UGT1A7: variants seen among roughly 807,000 people sequenced by gnomAD.
UGT1A7 encodes UDP glucuronosyltransferase family 1 member A7.
UGT1A7 carries 33 observed loss-of-function variants against 45.6 expected under a neutral mutation model. The observed-to-expected ratio is 0.72, with a 90% CI of 0.55 to 0.97. UGT1A7 has a LOEUF of 0.97. UGT1A7 is among the 50% of genes least tolerant of loss of function. The pLI, the probability that UGT1A7 is intolerant of heterozygous loss-of-function variation, is 0.00. For synonymous variants in UGT1A7, 274 were observed against 250.6 expected (o/e 1.09, Z -0.88); for missense variants, 684 against 666.2 (o/e 1.03, Z -0.29).
Position 233,682,066 on chromosome 2 carries a change from G to A in UGT1A7, c.129G>A (p.Ser43=), listed in dbSNP as rs778934724. 3.1e-6 allele frequency: 5 copies of A among 1,613,972 alleles called. No individual in the cohort carries two copies. The highest frequency in any genetic ancestry group is 1.3e-5 in the African/African-American group (1 of 74,904). ...GGAGCCACTGGTTCACCATGCAGTC[G>A]GTGGTGGAGAAACTCATCCTCAGGG... The part of the protein sequence containing the change: ...MDGSHWFTMQ[S]VVEKLILRGH... Residue 43 remains serine, a synonymous_variant, in exon 1 of 5, where the codon TCG becomes TCA. Coordinates refer to ENST00000373426, the MANE Select transcript of UGT1A7 (RefSeq NM_019077.3).
chr2:233,719,283 A>C (rs760908491), intron 1 of UGT1A7: 35 of 1,613,936 alleles, frequency 2.2e-5, no homozygotes, highest in Admixed American at 5.0e-5. Flanking sequence ...AGACCCCGTT[A>C]ACCTCTGTGG....
intron 1 of UGT1A7, chr2:233,693,301 T>C: frequency 6.2e-7 from 1 of 1,614,174 alleles, no homozygotes; most frequent in African/African-American, 1.3e-5. Flanking sequence ...ACAATCACTT[T>C]GCTGAGCGAT....
intron 1 of UGT1A7, among the ~76,000 whole-genome samples, chr2:233,700,573 T>C (rs978152887): frequency 1.5e-4 from 23 of 152,216 alleles, no homozygotes; most frequent in Non-Finnish European, 1.3e-4. Flanking sequence ...AACTTTATTA[T>C]GATGCAATTT....
chr2:233,739,438 T>G (rs1285921869), intron 1 of UGT1A7, among the ~76,000 whole-genome samples: 1 of 152,226 alleles, frequency 6.6e-6, no homozygotes, highest in Non-Finnish European at 1.5e-5. Context: ...GGCTTTACCC[T>G]GCAAAGCCAC....
intron 1 of UGT1A7, chr2:233,729,826 C>T (rs1653998510): frequency 6.2e-7 from 1 of 1,613,940 alleles, no homozygotes; most frequent in Non-Finnish European, 8.5e-7. Flanking sequence ...TTATGCAAGC[C>T]TTGCCTCTGA....
In UGT1A7 at chr2:233,769,743, C is replaced by T. The variant is rs1376344823; in HGVS notation, c.1295+1304C>T. Reference sequence around the variant, plus strand: ...CATGGCACACGCCTGTAGTCCCAGCCACTCTGGAGGCTAAGGCGGGAGGAT... The same window carrying T: ...CATGGCACACGCCTGTAGTCCCAGCTACTCTGGAGGCTAAGGCGGGAGGAT... On this transcript the variant is annotated intron_variant, in intron 4 of 4. Coordinates refer to ENST00000373426, the MANE Select transcript of UGT1A7 (RefSeq NM_019077.3). The surrounding 1 kb of genome is among the most constrained non-coding windows in gnomAD (Gnocchi z 4.4). The T allele has an allele frequency of 1.2e-5, 17 of 1,445,490 alleles. No homozygotes were observed. The East Asian group carries it at 4.3e-4, about 36-fold the overall frequency. 89.5% of individuals were successfully genotyped at this position (1,445,490 alleles called of 1,614,324 possible).
intron 1 of UGT1A7, chr2:233,743,548 C>T (rs61744897): frequency 1.5e-6 from 2 of 1,367,296 alleles, no homozygotes; most frequent in Non-Finnish European, 2.0e-6. Flanking sequence ...CTGACCCCCC[C>T]AAAATATTCT....
At chr2:233,711,035 C>T (rs1430661995) in intron 1 of UGT1A7, among the ~76,000 whole-genome samples, 1 of 152,156 alleles carries the variant, frequency 6.6e-6, no homozygotes, top group East Asian at 1.9e-4. Context: ...TCTGGGGTGA[C>T]CTCACTGACA....
At chr2:233,733,869 C>T (rs975516121) in intron 1 of UGT1A7, among the ~76,000 whole-genome samples, 2 of 151,714 alleles carry the variant, frequency 1.3e-5, no homozygotes, top group Non-Finnish European at 2.9e-5. Context: ...GGAATAGTTT[C>T]AGAAGGAATG....
intron 1 of UGT1A7, chr2:233,744,094 T>G: frequency 7.2e-6 from 3 of 416,176 alleles, no homozygotes; most frequent in South Asian, 6.1e-5. Flanking sequence ...ATGCAGTGCT[T>G]CTGGGACTGG....
chr2:233,713,181 G>A, intron 1 of UGT1A7: 2 of 1,614,248 alleles, frequency 1.2e-6, no homozygotes, highest in Non-Finnish European at 1.7e-6. Flanking sequence ...CCTCACCCTG[G>A]AGGTGAATAT....
chr2:233,755,170 T>C (rs1240762958), intron 1 of UGT1A7: 2 of 1,262,070 alleles, frequency 1.6e-6, no homozygotes, highest in Non-Finnish European at 2.2e-6. Context: ...TCGGGGTTTT[T>C]GTCGGGGTGC....
intron 1 of UGT1A7, among the ~76,000 whole-genome samples, chr2:233,695,910 T>C (rs893646691): frequency 2.0e-5 from 3 of 152,132 alleles, no homozygotes; most frequent in East Asian, 3.9e-4. Context: ...GGGTTTTTTT[T>C]CTCCACACAC....
intron 1 of UGT1A7, chr2:233,743,933 G>A (rs1319527828): frequency 7.4e-7 from 1 of 1,357,164 alleles, no homozygotes; most frequent in Non-Finnish European, 9.8e-7. Flanking sequence ...TGGCCAGAAC[G>A]GCCCACCAGG....
chr2:233,768,255 G>A lies in UGT1A7; in HGVS notation c.1111G>A (p.Gly371Ser), dbSNP rs1276913504. The A allele has an allele frequency of 1.2e-6, 2 of 1,614,166 alleles. No homozygotes were observed. Among genetic ancestry groups the A allele is most frequent in the Non-Finnish European group, 8.5e-7 (1 of 1,180,040 alleles). ...PMTRAFITHAGSHGVYESICN... is the reference protein window; with the variant it reads ...PMTRAFITHASSHGVYESICN... Reference sequence around the variant, plus strand: ...GACCCGTGCCTTTATCACCCATGCTGGTTCCCATGGTGTTTATGAAAGCAT... The same window carrying A: ...GACCCGTGCCTTTATCACCCATGCTAGTTCCCATGGTGTTTATGAAAGCAT... The change falls in exon 4 of 5, where the codon GGT becomes AGT. Residue 371 changes from glycine to serine, a missense_variant. Gly to Ser is a moderately conservative substitution (Grantham distance 56, BLOSUM62 0). Coordinates refer to ENST00000373426, the MANE Select transcript of UGT1A7 (RefSeq NM_019077.3).
chr2:233,720,704 CTTTT>C (rs796417980), intron 1 of UGT1A7, among the ~76,000 whole-genome samples: 1 of 139,182 alleles, frequency 7.2e-6, no homozygotes. Context: ...GGGAGCCATC[CTTTT>C]TTTTTTTTTT....
Position 233,736,651 on chromosome 2 carries a change from G to A in UGT1A7, c.856-30383G>A, listed in dbSNP as rs2078789354. Reference sequence around the variant, plus strand: ...GCTCTAGTTTCCCCCCATCTTTGTGGTTTTATGTACCTTAGGTCTTTGATG... The same window carrying A: ...GCTCTAGTTTCCCCCCATCTTTGTGATTTTATGTACCTTAGGTCTTTGATG... On this transcript the variant is annotated intron_variant, in intron 1 of 4. Transcript: ENST00000373426. Among the ~76,000 whole-genome samples the A allele has an allele frequency of 2.0e-5, 3 of 152,328 alleles. No individual in the cohort carries two copies. The South Asian group carries it at 6.2e-4, about 32-fold the overall frequency.
intron 1 of UGT1A7, among the ~76,000 whole-genome samples, chr2:233,698,248 C>A (rs1559349611): frequency 6.6e-6 from 1 of 152,096 alleles, no homozygotes; most frequent in Non-Finnish European, 1.5e-5. Flanking sequence ...AATAGAATTT[C>A]TTTTGTCCAA....
At chr2:233,740,222 C>T (rs1446035659) in intron 1 of UGT1A7, among the ~76,000 whole-genome samples, 1 of 151,764 alleles carries the variant, frequency 6.6e-6, no homozygotes, top group Non-Finnish European at 1.5e-5. Context: ...TCAGCTGCGT[C>T]TTTATAGCAG....
Sources: allele counts gnomAD v4.1 joint callset (sites outside exome capture counted in the v4.1 genomes callset), GRCh38; gene constraint gnomAD v4.1.1; non-coding constraint Gnocchi (gnomAD v3.1); transcripts MANE v1.5; gene names NCBI Gene and HGNC (gene_info 2026-07-23, HGNC 2026-07-21).